KCNIP4: variants seen among roughly 807,000 people sequenced by gnomAD.
KCNIP4 encodes Kv channel-interacting protein 4.
In KCNIP4, 12 loss-of-function variants were observed where a neutral mutation model predicts 34.0. The ratio of observed to expected loss-of-function variants is 0.35; its 90% confidence interval spans 0.23 to 0.57. The LOEUF is 0.57. KCNIP4 is among the 20% of genes least tolerant of loss of function. The pLI is 0.83. For synonymous variants in KCNIP4, 124 were observed against 102.2 expected, an observed-to-expected ratio of 1.21 and a Z score of -1.29; for missense variants, 238 against 311.7, an observed-to-expected ratio of 0.76 and a Z score of 1.78.
chr4:21,172,547 T>C (rs1016146403), intron 1 of KCNIP4, among the ~76,000 whole-genome samples: 9 of 152,198 alleles, frequency 5.9e-5, no homozygotes, highest in African/African-American at 2.2e-4. Context: ...CCTACTGAGA[T>C]GTAATGTCCC....
chr4:21,634,442 C>T (rs1333682215), intron 1 of KCNIP4, among the ~76,000 whole-genome samples: 1 of 151,858 alleles, frequency 6.6e-6, no homozygotes, highest in Non-Finnish European at 1.5e-5. Context: ...AAACAGAAAA[C>T]ATTAGAACTG....
rs111289569 is a variant in KCNIP4 at position 20,747,172 on chromosome 4, A to G, written c.429+2490T>C. Among the ~76,000 whole-genome samples the G allele has an allele frequency of 7.1e-3, 1,076 of 152,314 alleles. 14 individuals carry two copies. The highest frequency in any genetic ancestry group is 0.024 in the African/African-American group (990 of 41,568). Reference sequence around the variant, plus strand: ...ACATAAATATTATAAAAGCAATGTTATGCATGGTTCCATATCATTAACACC... The same window carrying G: ...ACATAAATATTATAAAAGCAATGTTGTGCATGGTTCCATATCATTAACACC... On this transcript the variant is annotated intron_variant, in intron 5 of 8. Coordinates refer to ENST00000382152, the MANE Select transcript of KCNIP4 (RefSeq NM_025221.6).
intron 1 of KCNIP4, among the ~76,000 whole-genome samples, chr4:21,425,097 G>T (rs1725822602): frequency 6.6e-6 from 1 of 152,030 alleles, no homozygotes; most frequent in Non-Finnish European, 1.5e-5. Flanking sequence ...TCGGGAGAGA[G>T]GAAAGAAATA....
intron 1 of KCNIP4, among the ~76,000 whole-genome samples, chr4:21,509,170 GGGAA>G (rs1297947047): frequency 2.0e-5 from 3 of 152,110 alleles, no homozygotes; most frequent in Admixed American, 2.0e-4. Flanking sequence ...TATGAAAACT[GGGAA>G]GGAATAGAAA....
intron 1 of KCNIP4, among the ~76,000 whole-genome samples, chr4:21,567,153 T>C (rs1226902463): frequency 2.0e-5 from 3 of 152,168 alleles, no homozygotes; most frequent in African/African-American, 2.4e-5. Context: ...CCGGTATATA[T>C]GCTTGCTTCT....
intron 1 of KCNIP4, among the ~76,000 whole-genome samples, chr4:21,725,673 G>T (rs1449589173): frequency 6.6e-6 from 1 of 151,940 alleles, no homozygotes; most frequent in Non-Finnish European, 1.5e-5. Flanking sequence ...GAAAATAGAG[G>T]ACACCAAAAC....
chr4:20,974,254 A>C (rs1735262527), intron 1 of KCNIP4, among the ~76,000 whole-genome samples: 1 of 152,202 alleles, frequency 6.6e-6, no homozygotes, highest in Non-Finnish European at 1.5e-5. Context: ...ACTAAGGTAC[A>C]GTGTTCTCTC....
intron 1 of KCNIP4, among the ~76,000 whole-genome samples, chr4:21,745,670 C>A (rs116140681): frequency 0.028 from 4,331 of 152,068 alleles, 193 homozygotes; most frequent in African/African-American, 0.098. Flanking sequence ...AAAGGACTTT[C>A]TAAGCTTTGA....
intron 1 of KCNIP4, among the ~76,000 whole-genome samples, chr4:20,939,213 A>G (rs1034618326): frequency 3.3e-5 from 5 of 152,022 alleles, no homozygotes; most frequent in Non-Finnish European, 7.4e-5. Context: ...ATCTCACTCC[A>G]TAGGTTTCCT....
chr4:21,884,809 A>G (rs1726666537), intron 1 of KCNIP4, among the ~76,000 whole-genome samples: 1 of 151,968 alleles, frequency 6.6e-6, no homozygotes, highest in Admixed American at 6.6e-5. Context: ...ACAGATTCTG[A>G]AAGACGATGA....
Position 21,065,762 on chromosome 4 carries a change from ATAT to A in KCNIP4, c.62-183056_62-183054del, listed in dbSNP as rs1560690400. ...TATATATATATATATATATATATAT[ATAT>A]AACTCAATTTTATTTTAAAAAATAG... On this transcript the variant is annotated intron_variant, in intron 1 of 8. Coordinates refer to ENST00000382152, the MANE Select transcript of KCNIP4 (RefSeq NM_025221.6). 4.5e-3 allele frequency among the ~76,000 whole-genome samples: 546 copies of A among 120,306 alleles called. 7 individuals are homozygous for A. Among genetic ancestry groups the A allele is most frequent in the African/African-American group, 4.2e-3 (144 of 34,138 alleles). The allele number at this position is 120,306 out of a possible 152,430, so 78.9% of individuals were successfully genotyped here. A position where few individuals can be genotyped will look rare whatever the true frequency, so the allele number is the denominator to read the frequency against.
At chr4:21,453,140 G>C (rs1476840369) in intron 1 of KCNIP4, among the ~76,000 whole-genome samples, 1 of 152,034 alleles carries the variant, frequency 6.6e-6, no homozygotes, top group Non-Finnish European at 1.5e-5. Flanking sequence ...GTGTGAGTCA[G>C]CTGTCTGATA....
At chr4:21,248,478 T>C (rs1760453901) in intron 1 of KCNIP4, among the ~76,000 whole-genome samples, 1 of 152,204 alleles carries the variant, frequency 6.6e-6, no homozygotes, top group Non-Finnish European at 1.5e-5. Context: ...TGTTCACCGC[T>C]GACTGACTAG....
At chr4:21,462,619 G>C (rs1244646133) in intron 1 of KCNIP4, among the ~76,000 whole-genome samples, 1 of 152,006 alleles carries the variant, frequency 6.6e-6, no homozygotes, top group African/African-American at 2.4e-5. Flanking sequence ...TGAGATCAAC[G>C]ACTTTAGATT....
At chr4:21,462,830 T>C (rs1729587330) in intron 1 of KCNIP4, among the ~76,000 whole-genome samples, 1 of 151,582 alleles carries the variant, frequency 6.6e-6, no homozygotes, top group Non-Finnish European at 1.5e-5. Context: ...TGTGTTTGTA[T>C]ACCATATATA....
chr4:20,958,482 T>C (rs1326972689), intron 1 of KCNIP4, among the ~76,000 whole-genome samples: 2 of 152,176 alleles, frequency 1.3e-5, no homozygotes, highest in Non-Finnish European at 2.9e-5. Flanking sequence ...TGTACAGGCT[T>C]TTTTCCCTAT....
At chr4:21,561,528 C>G (rs973413537) in intron 1 of KCNIP4, among the ~76,000 whole-genome samples, 1 of 151,888 alleles carries the variant, frequency 6.6e-6, no homozygotes, top group Non-Finnish European at 1.5e-5. Context: ...ATTTCAGAAA[C>G]AACTCATAGG....
intron 1 of KCNIP4, among the ~76,000 whole-genome samples, chr4:21,151,472 T>C (rs1752756594): frequency 7.2e-6 from 1 of 138,588 alleles, no homozygotes; most frequent in Non-Finnish European, 1.5e-5. Context: ...ATCTGAGTGC[T>C]AGCATGGGTG....
In KCNIP4 at chr4:20,932,509, T is replaced by C. The variant is rs138260731; in HGVS notation, c.62-49800A>G. Among the ~76,000 whole-genome samples the C allele has an allele frequency of 1.5e-3, 227 of 152,098 alleles. 3 individuals are homozygous for C. The East Asian group carries it at 0.035, about 23-fold the overall frequency. ...TCTAATATTGTAGACTATAATAGTCTTCTGTATTAGGTTAAGGCTTTTTGT... is the reference window on the plus strand; with the variant it reads ...TCTAATATTGTAGACTATAATAGTCCTCTGTATTAGGTTAAGGCTTTTTGT... On this transcript the variant is annotated intron_variant, in intron 1 of 8. Transcript: ENST00000382152.
Sources: allele counts gnomAD v4.1 joint callset (sites outside exome capture counted in the v4.1 genomes callset), GRCh38; gene constraint gnomAD v4.1.1; transcripts MANE v1.5; gene names NCBI Gene and HGNC (gene_info 2026-07-23, HGNC 2026-07-21).